Variants in PRTFDC1 observed in about 807,000 individuals in gnomAD.
PRTFDC1 encodes phosphoribosyltransferase domain-containing protein 1.
A neutral mutation model predicts 34.6 loss-of-function variants in PRTFDC1; 38 were observed. That is an observed-to-expected ratio of 1.10 (90% CI 0.85 to 1.44). The LOEUF (loss-of-function observed/expected upper bound fraction) is 1.44. Ranked by LOEUF, PRTFDC1 falls within the 40% of genes most tolerant of loss-of-function variation. The probability of loss-of-function intolerance (pLI) is 0.00; values close to 1 mark genes in which losing one functional copy is unlikely to be tolerated. For missense variants in PRTFDC1, 270 were observed against 283.0 expected (o/e 0.95, Z 0.33); for synonymous variants, 93 against 98.1 (o/e 0.95, Z 0.31).
At chr10:24,949,040 T>C (rs1849295851) in intron 1 of PRTFDC1, among the ~76,000 whole-genome samples, 1 of 152,188 alleles carries the variant, frequency 6.6e-6, no homozygotes, top group Admixed American at 6.5e-5. Flanking sequence ...GGGAGCACAC[T>C]AGACCTCCCT....
At chr10:24,881,564 G>A (rs148540924) in intron 3 of PRTFDC1, among the ~76,000 whole-genome samples, 34 of 152,190 alleles carry the variant, frequency 2.2e-4, no homozygotes, top group African/African-American at 7.2e-4. Context: ...TATTTTTCCA[G>A]GTCTGGCTGC....
At chr10:24,931,290 C>T (rs544327279) in intron 3 of PRTFDC1, among the ~76,000 whole-genome samples, 1 of 151,960 alleles carries the variant, frequency 6.6e-6, no homozygotes, top group South Asian at 2.1e-4. Flanking sequence ...ATAAGAAAAT[C>T]TCAAATCTAT....
intron 3 of PRTFDC1, among the ~76,000 whole-genome samples, chr10:24,881,880 C>G (rs532093476): frequency 6.6e-6 from 1 of 152,186 alleles, no homozygotes; most frequent in South Asian, 2.1e-4. Context: ...ACCTTTCCAT[C>G]TCTCTTCGAG....
At position 24,876,383 on chromosome 10, in the gene PRTFDC1, A is replaced by T. The variant is rs191348690; in HGVS notation, c.340-4320T>A. Reference sequence around the variant, plus strand: ...ATGTTTAGCATTCAGTAAATGCTAGACAGGATTAATTTCTTTTTAAAAAAT... The same window carrying T: ...ATGTTTAGCATTCAGTAAATGCTAGTCAGGATTAATTTCTTTTTAAAAAAT... On this transcript the variant is annotated intron_variant, in intron 3 of 8. Transcript: ENST00000320152. Among the ~76,000 whole-genome samples the T allele has an allele frequency of 2.6e-5, 4 of 152,224 alleles. No homozygotes were observed. In the East Asian group the frequency reaches 7.7e-4, roughly 29 times the overall value.
Position 24,851,286 on chromosome 10 carries a change from A to G in PRTFDC1, c.630+102T>C. 5.4e-6 allele frequency: 8 copies of G among 1,470,438 alleles called. No individual in the cohort carries two copies. In the South Asian group the frequency reaches 8.4e-5, roughly 15 times the overall value. The allele number at this position is 1,470,438 out of a possible 1,614,324, so 91.1% of individuals were successfully genotyped here. A position where few individuals can be genotyped will look rare whatever the true frequency, so the allele number is the denominator to read the frequency against. On this transcript the variant is annotated intron_variant, in intron 8 of 8. Transcript: ENST00000320152. ...GCTCACCATACTCCTGACATAGAAG[A>G]TACTCAATCAATAGCAGACATCACT...
intron 2 of PRTFDC1, among the ~76,000 whole-genome samples, chr10:24,939,700 A>C (rs1483819030): frequency 6.7e-6 from 1 of 149,158 alleles, no homozygotes; most frequent in African/African-American, 2.5e-5. Flanking sequence ...AGGCTGAGGC[A>C]GGAGGTTCAC....
chr10:24,872,677 G>A (rs1223461803), intron 3 of PRTFDC1, among the ~76,000 whole-genome samples: 9 of 147,244 alleles, frequency 6.1e-5, no homozygotes, highest in Non-Finnish European at 1.2e-4. Flanking sequence ...AGAACTATAC[G>A]TGTGTGTGTG....
At position 24,952,023 on chromosome 10, in the gene PRTFDC1, G is replaced by T. The variant is rs1295651207; in HGVS notation, c.48+505C>A. On this transcript the variant is annotated intron_variant, in intron 1 of 8. Coordinates refer to ENST00000320152, the MANE Select transcript of PRTFDC1 (RefSeq NM_020200.7). This position sits in a 1 kb window ranked among gnomAD's most constrained non-coding sequence, Gnocchi z 5.1. The stretch of plus-strand genomic sequence containing the variant: ...CCACTGCCAGAGAGCCCCCAACCTG[G>T]GTACCAAAGGCTTCAAATCTCAAGC... Among the ~76,000 whole-genome samples the T allele has an allele frequency of 6.6e-6, 1 of 152,176 alleles. No individual in the cohort carries two copies. Among genetic ancestry groups the T allele is most frequent in the African/African-American group, 2.4e-5 (1 of 41,446 alleles).
intron 4 of PRTFDC1, among the ~76,000 whole-genome samples, chr10:24,863,321 T>A (rs1847715301): frequency 6.6e-6 from 1 of 152,224 alleles, no homozygotes; most frequent in Non-Finnish European, 1.5e-5. Flanking sequence ...CAGCAAAGCC[T>A]GTTTATATAG....
At chr10:24,947,448 A>G (rs1849267151) in intron 1 of PRTFDC1, among the ~76,000 whole-genome samples, 1 of 152,180 alleles carries the variant, frequency 6.6e-6, no homozygotes, top group Non-Finnish European at 1.5e-5. Context: ...CACAGATAAT[A>G]TGCTCTAAGT....
intron 3 of PRTFDC1, among the ~76,000 whole-genome samples, chr10:24,879,346 A>AT (rs137986803): frequency 0.032 from 4,550 of 143,370 alleles, 116 homozygotes; most frequent in African/African-American, 0.071. Flanking sequence ...GTATTTGCTG[A>AT]TTTTTTTTTT....
At chr10:24,939,219 T>C (rs1210442743) in intron 2 of PRTFDC1, among the ~76,000 whole-genome samples, 1 of 150,164 alleles carries the variant, frequency 6.7e-6, no homozygotes, top group African/African-American at 2.5e-5. Flanking sequence ...GAGAATCACT[T>C]GAACCCAGGA....
At chr10:24,898,299 A>C (rs1305292485) in intron 3 of PRTFDC1, among the ~76,000 whole-genome samples, 23 of 150,926 alleles carry the variant, frequency 1.5e-4, no homozygotes, top group Non-Finnish European at 2.7e-4. Flanking sequence ...AAAAAAAAAA[A>C]AAAAAAACAC....
intron 3 of PRTFDC1, among the ~76,000 whole-genome samples, chr10:24,876,307 A>G (rs1185571885): frequency 3.3e-5 from 5 of 152,174 alleles, no homozygotes; most frequent in Admixed American, 3.3e-4. Flanking sequence ...TAGATTGTAC[A>G]AAGATTAACT....
At chr10:24,898,267 T>A (rs1324432346) in intron 3 of PRTFDC1, among the ~76,000 whole-genome samples, 1 of 81,068 alleles carries the variant, frequency 1.2e-5, no homozygotes, top group South Asian at 3.6e-4. Context: ...CTGGGAAACA[T>A]GGGGAAATCC....
At chr10:24,891,160 G>A (rs1423889592) in intron 3 of PRTFDC1, among the ~76,000 whole-genome samples, 8 of 152,134 alleles carry the variant, frequency 5.3e-5, no homozygotes, top group Non-Finnish European at 1.2e-4. Flanking sequence ...GACAATTGGT[G>A]TTAGAAATTT....
At chr10:24,928,842 C>T (rs1230711086) in intron 3 of PRTFDC1, among the ~76,000 whole-genome samples, 1 of 151,590 alleles carries the variant, frequency 6.6e-6, no homozygotes, top group African/African-American at 2.4e-5. Flanking sequence ...TAGAGACCAT[C>T]CTGACTAACA....
At chr10:24,951,814 G>A (rs1023676723) in intron 1 of PRTFDC1, among the ~76,000 whole-genome samples, 1 of 152,142 alleles carries the variant, frequency 6.6e-6, no homozygotes, top group Admixed American at 6.5e-5. Flanking sequence ...GGATTCTCAG[G>A]GTTAATGAGG....
At chr10:24,894,329 CAAA>C (rs199529794) in intron 3 of PRTFDC1, among the ~76,000 whole-genome samples, 3 of 98,770 alleles carry the variant, frequency 3.0e-5, no homozygotes, top group African/African-American at 3.5e-5. Context: ...GACTCAATCT[CAAA>C]AAAAAAAAAA....
Sources: gnomAD v4.1 joint callset for allele counts (sites outside exome capture counted in the v4.1 genomes callset) on GRCh38, gnomAD v4.1.1 for gene constraint, Gnocchi (gnomAD v3.1) non-coding constraint, MANE v1.5 for transcripts, NCBI Gene and HGNC (gene_info 2026-07-23, HGNC 2026-07-21) for gene names.